CA10: variants seen among roughly 807,000 people sequenced by gnomAD.
CA10 encodes carbonic anhydrase-related protein 10.
Under a neutral mutation model 44.2 loss-of-function variants are expected in CA10, and 14 were observed. That is an observed-to-expected ratio of 0.32 (90% CI 0.21 to 0.50). The LOEUF is 0.50. Among genes scored for constraint, CA10 ranks in the 20% least tolerant of loss-of-function variants. The probability of loss-of-function intolerance (pLI) is 0.99; values close to 1 mark genes in which losing one functional copy is unlikely to be tolerated. For synonymous variants in CA10, 159 were observed against 141.6 expected (o/e 1.12, Z -0.87); for missense variants, 350 against 409.7 (o/e 0.85, Z 1.26).
chr17:51,837,085 C>CAT (rs1240844891), intron 3 of CA10, among the ~76,000 whole-genome samples: 1 of 151,524 alleles, frequency 6.6e-6, no homozygotes, highest in Non-Finnish European at 1.5e-5. Flanking sequence ...AGACAACACA[C>CAT]ACACACACAC....
At chr17:51,842,897 T>A (rs893582156) in intron 3 of CA10, among the ~76,000 whole-genome samples, 3 of 152,154 alleles carry the variant, frequency 2.0e-5, no homozygotes, top group African/African-American at 7.2e-5. Context: ...ATGTGCAGAA[T>A]GGGAACTATG....
intron 2 of CA10, among the ~76,000 whole-genome samples, chr17:52,064,215 C>T (rs1168748520): frequency 6.6e-6 from 1 of 152,170 alleles, no homozygotes; most frequent in African/African-American, 2.4e-5. Flanking sequence ...CTGCCAAGGA[C>T]CCACATGAGC....
Position 52,137,839 on chromosome 17 carries a change from A to T in CA10, c.61+19887T>A, listed in dbSNP as rs574360824. ...ATCTATTAGAATGCTATCAAAAAGT[A>T]GAGAGCACTGGATGCGGGAAATATT... On this transcript the variant is annotated intron_variant, in intron 1 of 8. Transcript: ENST00000451037. Among the ~76,000 whole-genome samples the T allele has an allele frequency of 7.9e-5, 12 of 152,356 alleles. No individual in the cohort carries two copies. In the South Asian group the frequency reaches 2.5e-3, roughly 32 times the overall value.
At chr17:51,809,620 T>C (rs1028092599) in intron 3 of CA10, among the ~76,000 whole-genome samples, 1 of 152,222 alleles carries the variant, frequency 6.6e-6, no homozygotes, top group African/African-American at 2.4e-5. Flanking sequence ...CGACGGATGC[T>C]GCAGGACTGA....
intron 4 of CA10, among the ~76,000 whole-genome samples, chr17:51,695,241 G>T (rs1915360854): frequency 6.6e-6 from 1 of 152,134 alleles, no homozygotes; most frequent in Non-Finnish European, 1.5e-5. Context: ...GATTGCTTTG[G>T]GCAGTATGGC....
At chr17:52,005,182 C>A (rs949542240) in intron 2 of CA10, among the ~76,000 whole-genome samples, 4 of 151,788 alleles carry the variant, frequency 2.6e-5, no homozygotes, top group Non-Finnish European at 5.9e-5. Flanking sequence ...TTCAGTGAAC[C>A]CTTTAGGACC....
chr17:51,772,667 AT>A (rs11293158), intron 3 of CA10, among the ~76,000 whole-genome samples: 91,230 of 149,026 alleles, frequency 0.61, 27,882 homozygotes, highest in East Asian at 0.73. Context: ...AGAGAGAAGC[AT>A]TTTTTTTTTT....
intron 2 of CA10, among the ~76,000 whole-genome samples, chr17:52,011,780 G>C (rs949267018): frequency 2.6e-5 from 4 of 152,090 alleles, no homozygotes; most frequent in Non-Finnish European, 1.5e-5. Context: ...GGGGAAGAGA[G>C]AGTCATAAAG....
At chr17:52,159,010 G>A (rs969456922), upstream of CA10, among the ~76,000 whole-genome samples, 1 of 152,154 alleles carries the variant, frequency 6.6e-6, no homozygotes, top group African/African-American at 2.4e-5. Flanking sequence ...CCTGGCAGCC[G>A]CCTCCGCACT....
chr17:52,084,951 G>A (rs757963041), intron 1 of CA10, among the ~76,000 whole-genome samples: 4 of 152,136 alleles, frequency 2.6e-5, no homozygotes, highest in South Asian at 2.1e-4. Flanking sequence ...CCAGCAAGCC[G>A]GGATGTGGAC....
intron 4 of CA10, among the ~76,000 whole-genome samples, chr17:51,684,508 C>T (rs1914945643): frequency 1.3e-5 from 2 of 152,170 alleles, no homozygotes; most frequent in Non-Finnish European, 2.9e-5. Context: ...TACTAAGTGC[C>T]AGCCTCCCAA....
At chr17:52,100,023 A>C (rs1284107005) in intron 1 of CA10, among the ~76,000 whole-genome samples, 1 of 152,220 alleles carries the variant, frequency 6.6e-6, no homozygotes, top group Non-Finnish European at 1.5e-5. Context: ...AAAGGACGTA[A>C]AAATAATGAT....
chr17:52,115,635 G>A (rs1988877620), intron 1 of CA10, among the ~76,000 whole-genome samples: 1 of 152,220 alleles, frequency 6.6e-6, no homozygotes, highest in Non-Finnish European at 1.5e-5. Flanking sequence ...TGCATGCACA[G>A]GACAGATGGG....
chr17:51,734,362 G>T (rs1303335199), intron 4 of CA10, among the ~76,000 whole-genome samples: 1 of 152,170 alleles, frequency 6.6e-6, no homozygotes, highest in East Asian at 1.9e-4. Context: ...ATTTCTGGAT[G>T]AAGGAAAAGA....
At chr17:51,703,492 T>C (rs79659790) in intron 4 of CA10, among the ~76,000 whole-genome samples, 12,961 of 152,088 alleles carry the variant, frequency 0.085, 1,860 homozygotes, top group African/African-American at 0.3. Flanking sequence ...GATAAGGCCT[T>C]ATTCTCTCCC....
intron 2 of CA10, among the ~76,000 whole-genome samples, chr17:52,033,986 A>G (rs1986543804): frequency 6.6e-6 from 1 of 152,234 alleles, no homozygotes; most frequent in Non-Finnish European, 1.5e-5. Flanking sequence ...AAACTAGTCA[A>G]ACTCATAGAA....
At chr17:51,980,374 G>A (rs529287885) in intron 2 of CA10, among the ~76,000 whole-genome samples, 2 of 151,918 alleles carry the variant, frequency 1.3e-5, no homozygotes, top group East Asian at 1.9e-4. Flanking sequence ...TTTTTAATGG[G>A]GTTGCTTTTC....
At chr17:51,832,262 C>T in intron 3 of CA10, among the ~76,000 whole-genome samples, 1 of 152,144 alleles carries the variant, frequency 6.6e-6, no homozygotes, top group East Asian at 1.9e-4. Context: ...ACATGATAAG[C>T]AATAACTATT....
intron 3 of CA10, among the ~76,000 whole-genome samples, chr17:51,868,677 A>G (rs1455846485): frequency 6.6e-6 from 1 of 152,052 alleles, no homozygotes; most frequent in East Asian, 1.9e-4. Context: ...CACTGCTCAG[A>G]CTAACCACCT....
Sources: allele counts gnomAD v4.1 joint callset (sites outside exome capture counted in the v4.1 genomes callset), GRCh38; gene constraint gnomAD v4.1.1; transcripts MANE v1.5; gene names NCBI Gene and HGNC (gene_info 2026-07-23, HGNC 2026-07-21).